SCAMP4: variants seen among roughly 807,000 people sequenced by gnomAD.
SCAMP4 encodes the protein secretory carrier membrane protein 4.
SCAMP4 carries 19 observed loss-of-function variants against 32.1 expected under a neutral mutation model. The ratio of observed to expected loss-of-function variants is 0.59; its 90% confidence interval spans 0.41 to 0.87. The LOEUF (loss-of-function observed/expected upper bound fraction) is 0.87, where lower values mean the gene tolerates loss of function less well. Ranked by LOEUF, SCAMP4 falls within the 40% of genes least tolerant of loss-of-function variation. SCAMP4 has a pLI of 0.00. For synonymous variants in SCAMP4, 152 were observed against 132.7 expected, an observed-to-expected ratio of 1.15 and a Z score of -1.00; for missense variants, 302 against 309.0, an observed-to-expected ratio of 0.98 and a Z score of 0.17.
chr19:1,920,880 C>T (rs952992704), intron 5 of SCAMP4: 96 of 985,338 alleles, frequency 9.7e-5, no homozygotes, highest in Non-Finnish European at 1.0e-4. Context: ...CCCTCAGAGA[C>T]CTCCCTGCCC....
At chr19:1,922,801 G>A in intron 5 of SCAMP4, 1 of 1,149,738 alleles carries the variant, frequency 8.7e-7, no homozygotes, top group Non-Finnish European at 1.1e-6. Flanking sequence ...ATGGTGAAGG[G>A]ATAAGGTTGT....
chr19:1,924,064 T>TGTTGTTTGGACTGGTCTCGAACTCCAGA (rs2014018502), intron 6 of SCAMP4, 44 bp from the exon 7 acceptor site: 2 of 1,561,400 alleles, frequency 1.3e-6, no homozygotes, highest in African/African-American at 2.7e-5. Context: ...CCGGCCGCCA[T>TGTTGTTTGGACTGGTCTCGAACTCCAGA]GCTCATTTTC....
In SCAMP4 at chr19:1,918,267, G is replaced by A. The variant is rs968550032; in HGVS notation, c.277G>A (p.Val93Ile). Reference sequence around the variant, plus strand: ...CGGCTACGTGTGCTGGTTCCGGCCTGTCTACAAGGCCTTCCGGTGAGCAGA... The same window carrying A: ...CGGCTACGTGTGCTGGTTCCGGCCTATCTACAAGGCCTTCCGGTGAGCAGA... ...PCGYVCWFRPVYKAFRADSSF... is the reference protein window; with the variant it reads ...PCGYVCWFRPIYKAFRADSSF... The change falls in exon 4 of 7, where the codon GTC (valine) becomes ATC (isoleucine). Residue 93 changes from valine to isoleucine, a missense_variant. Transcript: ENST00000316097. 2 of 1,605,278 alleles carry A rather than the reference G, an allele frequency of 1.2e-6. No homozygotes were observed. Among genetic ancestry groups the A allele is most frequent in the Non-Finnish European group, 1.7e-6 (2 of 1,178,922 alleles).
chr19:1,910,538 G>A (rs2013386128), intron 1 of SCAMP4, among the ~76,000 whole-genome samples: 1 of 150,926 alleles, frequency 6.6e-6, no homozygotes, highest in South Asian at 2.1e-4. Context: ...AAGAGCCACT[G>A]AATAGGACAC....
intron 4 of SCAMP4, chr19:1,918,564 C>A (rs1371237249): frequency 2.0e-6 from 1 of 504,416 alleles, no homozygotes; most frequent in African/African-American, 1.9e-5. Flanking sequence ...GAGTTCAAGA[C>A]CAGCCTGGCC....
chr19:1,919,343 G>T, intron 5 of SCAMP4: 1 of 1,150,690 alleles, frequency 8.7e-7, no homozygotes, highest in Non-Finnish European at 1.1e-6. Context: ...GTTTCTGCAC[G>T]GATCGCTGCA....
At chr19:1,921,654 A>T (rs574639415) in intron 5 of SCAMP4, 2 of 985,352 alleles carry the variant, frequency 2.0e-6, no homozygotes, top group East Asian at 2.3e-4. Flanking sequence ...TAAATCTAAA[A>T]TTACATCCAA....
At chr19:1,921,162 G>T (rs1353185293) in intron 5 of SCAMP4, 1 of 985,030 alleles carries the variant, frequency 1.0e-6, no homozygotes, top group South Asian at 4.7e-5. Flanking sequence ...GGCGAGAGGG[G>T]ACAGCCCCGC....
At chr19:1,922,683 C>CA in intron 5 of SCAMP4, 1 of 991,042 alleles carries the variant, frequency 1.0e-6, no homozygotes, top group East Asian at 1.1e-4. Flanking sequence ...GTAGCAGGCT[C>CA]AGTGGGGCCT....
chr19:1,908,133 C>T lies in SCAMP4; in HGVS notation c.-42+2694C>T, dbSNP rs913258500. ...GCCTAGCAGGGCCGTGCGGGCCTCT[C>T]GGTCCTGGTCGCGCGTGGTGTGCGT... On this transcript the variant is annotated intron_variant, in intron 1 of 6. Coordinates refer to ENST00000316097, the MANE Select transcript of SCAMP4 (RefSeq NM_079834.4). This position sits in a 1 kb window ranked among gnomAD's most constrained non-coding sequence, Gnocchi z 4.2. 3 of 243,114 alleles carry T rather than the reference C, an allele frequency of 1.2e-5. No individual in the cohort carries two copies. The highest frequency in any genetic ancestry group is 7.1e-5 in the African/African-American group (3 of 42,314). 15.1% of individuals were successfully genotyped at this position (243,114 alleles called of 1,614,324 possible).
At chr19:1,918,099 C>T (rs769640489) in intron 3 of SCAMP4, 28 bp from the exon 4 acceptor site, 3 of 1,591,096 alleles carry the variant, frequency 1.9e-6, no homozygotes, top group Non-Finnish European at 2.6e-6. Flanking sequence ...CCCGTGCCTG[C>T]TCATCCGTCC....
rs2013233845 is a variant in SCAMP4, at chr19:1,908,103, T to C, written c.-42+2664T>C. On this transcript the variant is annotated intron_variant, in intron 1 of 6. Coordinates refer to ENST00000316097, the MANE Select transcript of SCAMP4 (RefSeq NM_079834.4). This position sits in a 1 kb window ranked among gnomAD's most constrained non-coding sequence, Gnocchi z 4.2. ...TTTTACCCTGGAGACAGTGGAGTGT[T>C]TGTGGCCTAGCAGGGCCGTGCGGGC... The C allele has an allele frequency of 4.9e-6, 1 of 204,600 alleles. No homozygotes were observed. The allele number at this position is 204,600 out of a possible 1,614,324, so 12.7% of individuals were successfully genotyped here.
rs780415521 is a variant in SCAMP4 at position 1,917,301 on chromosome 19, G to A, written c.8-393G>A. ...AGCCTGGGAGACAGCGCGAGACTCC[G>A]TCTCAAAAAAAGAGTCATAAACTTA... On this transcript the variant is annotated intron_variant, in intron 2 of 6. Transcript: ENST00000316097. Among the ~76,000 whole-genome samples, 38 of 151,902 alleles carry A rather than the reference G, an allele frequency of 2.5e-4. 1 individual carries two copies. Among genetic ancestry groups the A allele is most frequent in the Admixed American group, 7.2e-4 (11 of 15,294 alleles).
intron 1 of SCAMP4, chr19:1,907,208 G>A (rs190922179): frequency 2.8e-4 from 42 of 151,318 alleles, no homozygotes; most frequent in Admixed American, 1.8e-3. Flanking sequence ...CCCCCACGCA[G>A]ACTATTGGTG....
At chr19:1,922,787 T>C (rs2013959797) in intron 5 of SCAMP4, 7 of 1,094,952 alleles carry the variant, frequency 6.4e-6, no homozygotes, top group Non-Finnish European at 7.8e-6. Context: ...AGCCCACTGC[T>C]GCGATGGTGA....
At position 1,924,643 on chromosome 19, in the gene SCAMP4, T is replaced by G; in HGVS notation, c.*359T>G. ...ACAGGTGGCAGCAGGTCGGCCGCCC[T>G]CCCGTCCTCCCAGAGCTGCTGGCGC... On this transcript the variant is annotated 3_prime_UTR_variant, in exon 7 of 7. Coordinates refer to ENST00000316097, the MANE Select transcript of SCAMP4 (RefSeq NM_079834.4). 3.5e-6 allele frequency: 1 copy of G among 287,226 alleles called. No individual in the cohort carries two copies. Among genetic ancestry groups the G allele is most frequent in the Non-Finnish European group, 7.0e-6 (1 of 142,974 alleles). 17.8% of individuals were successfully genotyped at this position (287,226 alleles called of 1,614,324 possible).
In SCAMP4 at chr19:1,908,909, A is replaced by G. The variant is rs1471631682; in HGVS notation, c.-42+3470A>G. Among the ~76,000 whole-genome samples, 4 of 151,944 alleles carry G rather than the reference A, an allele frequency of 2.6e-5. No homozygotes were observed. Among genetic ancestry groups the G allele is most frequent in the African/African-American group, 9.7e-5 (4 of 41,322 alleles). On this transcript the variant is annotated intron_variant, in intron 1 of 6. Transcript: ENST00000316097. The surrounding 1 kb of genome is among the most constrained non-coding windows in gnomAD (Gnocchi z 4.2). The stretch of plus-strand genomic sequence containing the variant: ...ACCTGAGGTCAGGAGTTCCAAGACC[A>G]GCCTGGCCAACATGGTGGAACCCCG...
intron 5 of SCAMP4, chr19:1,920,134 C>G (rs1483507435): frequency 1.6e-5 from 16 of 985,398 alleles, no homozygotes; most frequent in Non-Finnish European, 1.9e-5. Flanking sequence ...TTTAAATAGG[C>G]TTTTTATTTT....
rs530160130 is a variant in SCAMP4 at position 1,908,962 on chromosome 19, G to A, written c.-42+3523G>A. Among the ~76,000 whole-genome samples the A allele has an allele frequency of 2.5e-4, 38 of 152,222 alleles. No individual in the cohort carries two copies. The highest frequency in any genetic ancestry group is 1.2e-3 in the South Asian group (6 of 4,830). On this transcript the variant is annotated intron_variant, in intron 1 of 6. Coordinates refer to ENST00000316097, the MANE Select transcript of SCAMP4 (RefSeq NM_079834.4). This position sits in a 1 kb window ranked among gnomAD's most constrained non-coding sequence, Gnocchi z 4.2. ...TCTACTGAAAATACAAAAATTAGCC[G>A]GGCGTGGTGGCATGTGCCTGTATTC...
Sources: gnomAD v4.1 joint callset for allele counts (sites outside exome capture counted in the v4.1 genomes callset) on GRCh38, gnomAD v4.1.1 for gene constraint, Gnocchi (gnomAD v3.1) non-coding constraint, MANE v1.5 for transcripts, NCBI Gene and HGNC (gene_info 2026-07-23, HGNC 2026-07-21) for gene names.